The following LRRC37B variants were observed in gnomAD, a reference collection of about 807,000 sequenced individuals.
LRRC37B encodes the protein leucine-rich repeat-containing protein 37B.
Under a neutral mutation model 98.3 loss-of-function variants are expected in LRRC37B, and 28 were observed. That is an observed-to-expected ratio of 0.28 (90% CI 0.21 to 0.39). The LOEUF (loss-of-function observed/expected upper bound fraction) is 0.39. LRRC37B is among the 10% of genes least tolerant of loss of function. The pLI is 1.00. For synonymous variants in LRRC37B, 364 were observed against 442.7 expected, an observed-to-expected ratio of 0.82 and a Z score of 2.23; for missense variants, 938 against 1,182.7, an observed-to-expected ratio of 0.79 and a Z score of 3.03.
chr17:32,018,991 A>T (rs576974404), upstream of LRRC37B, among the ~76,000 whole-genome samples: 163 of 152,212 alleles, frequency 1.1e-3, no homozygotes, highest in African/African-American at 3.7e-3. Flanking sequence ...CGATGGCACG[A>T]TCTCAGCTCA....
At position 32,011,988 on chromosome 17, in the gene LRRC37B, G is replaced by C. The variant is rs1332286278; in HGVS notation, c.-191+3856G>C. Among the ~76,000 whole-genome samples the C allele has an allele frequency of 4.0e-5, 6 of 151,888 alleles. No homozygotes were observed. In the South Asian group the frequency reaches 1.2e-3, roughly 32 times the overall value. ...TATCTTTGTTGTTGGTTTCTAATTT[G>C]ATTCCATTATGGTTAGAGACCATAC... On this transcript the variant is annotated intron_variant, in intron 1 of 14. Transcript: ENST00000543378.
chr17:32,019,871 G>C (rs1432264846), upstream of LRRC37B, among the ~76,000 whole-genome samples: 1 of 152,032 alleles, frequency 6.6e-6, no homozygotes, highest in Non-Finnish European at 1.5e-5. Flanking sequence ...ATTTTTTTGA[G>C]ACGGAGTTTC....
intron 1 of LRRC37B, among the ~76,000 whole-genome samples, chr17:32,015,338 A>G (rs568084196): frequency 1.2e-4 from 19 of 152,230 alleles, no homozygotes; most frequent in Non-Finnish European, 2.5e-4. Flanking sequence ...AAAGATTTCA[A>G]TGCATCACAG....
chr17:32,018,593 G>A (rs569797931), upstream of LRRC37B, among the ~76,000 whole-genome samples: 4 of 152,178 alleles, frequency 2.6e-5, 1 homozygote, highest in East Asian at 1.9e-4. Flanking sequence ...AGTCTCCCCC[G>A]GCCCCAGGAG....
chr17:32,022,547 G>A lies in LRRC37B; in HGVS notation c.1482G>A (p.Leu494=), dbSNP rs139255719. 278 of 1,613,870 alleles carry A rather than the reference G, an allele frequency of 1.7e-4. No individual in the cohort carries two copies. The African/African-American group carries it at 3.4e-3, about 20-fold the overall frequency. ...CAGAGATTGGACATTCCACAGCCCT[G>A]GAGAAGACTAGAGCTCCTCATCCAG... The change falls in exon 1 of 12, where the codon CTG becomes CTA. Residue 494 remains leucine (L), a synonymous_variant. Transcript: ENST00000327564.
In LRRC37B at chr17:32,022,251, G is replaced by T. The variant is rs747740769; in HGVS notation, c.1186G>T (p.Ala396Ser). The change falls in exon 1 of 12, where the codon GCC (alanine) becomes TCC (serine). Residue 396 changes from alanine to serine, a missense_variant. By Grantham distance (99) the Ala-to-Ser change is moderately conservative. Around this residue, in one of 2 missense-constraint regions of LRRC37B, gnomAD observed 610 missense variants for 625.6 expected, o/e 0.98. Coordinates refer to ENST00000327564, the Ensembl canonical transcript of LRRC37B. ...AGAATCTACCCAAGCCCAGCAGGAG[G>T]CCCCAATTCAGCCTCCCGAGGAGGC... 2 of 1,613,898 alleles carry T rather than the reference G, an allele frequency of 1.2e-6. No homozygotes were observed. Among genetic ancestry groups the T allele is most frequent in the Non-Finnish European group, 1.7e-6 (2 of 1,179,858 alleles).
chr17:32,020,961 G>A (rs528596915), upstream of LRRC37B: 226 of 1,464,630 alleles, frequency 1.5e-4, 1 homozygote, highest in South Asian at 2.9e-3. Flanking sequence ...GTGGGAAGGG[G>A]CGCTTGGGCG....
chr17:32,020,063 T>C (rs921558149), upstream of LRRC37B, among the ~76,000 whole-genome samples: 6 of 152,168 alleles, frequency 3.9e-5, no homozygotes, highest in African/African-American at 1.4e-4. Context: ...CAGGCTGGTC[T>C]GGAACTTCTG....
chr17:32,021,923 A>G (rs1391475628), exon 1 of LRRC37B: 2 of 1,614,112 alleles, frequency 1.2e-6, no homozygotes, highest in Admixed American at 3.3e-5. Context: ...GACTTTCTCA[A>G]TTCCATCTAG....
chr17:32,007,885 G>A (rs1910446549), upstream of LRRC37B: 6 of 1,019,662 alleles, frequency 5.9e-6, no homozygotes, highest in Admixed American at 4.8e-5. The surrounding 1 kb of genome is among the most constrained non-coding windows in gnomAD (Gnocchi z 4.1). Flanking sequence ...GGGGGCGCGG[G>A]GGCAGCCACC....
At chr17:32,035,440 C>T in intron 6 of LRRC37B, 125 bp from the exon 10 acceptor site, 1 of 1,015,190 alleles carries the variant, frequency 9.9e-7, no homozygotes, top group Non-Finnish European at 1.5e-6. Flanking sequence ...GGCAAATAAA[C>T]TATTGAAGTG....
exon 1 of LRRC37B, chr17:32,022,602 A>C: frequency 4.3e-6 from 7 of 1,614,030 alleles, no homozygotes; most frequent in Non-Finnish European, 5.9e-6. Context: ...TCGAAGCCTG[A>C]CTGAAGTCAC....
exon 1 of LRRC37B, chr17:32,021,109 G>C (rs761494682): frequency 6.2e-7 from 1 of 1,614,136 alleles, no homozygotes; most frequent in Non-Finnish European, 8.5e-7. Context: ...AGGGCTGCCA[G>C]AATGGCTTTT....
chr17:32,018,724 A>G (rs994416930), upstream of LRRC37B, among the ~76,000 whole-genome samples: 2 of 152,178 alleles, frequency 1.3e-5, no homozygotes, highest in African/African-American at 4.8e-5. Flanking sequence ...TTCAAAAACT[A>G]TAATGCCTTT....
At chr17:32,041,932 G>A (rs765930344) in intron 7 of LRRC37B, 6 of 416,824 alleles carry the variant, frequency 1.4e-5, no homozygotes, top group African/African-American at 6.1e-5. Flanking sequence ...CGAGTTCCAC[G>A]GCCTTAACAG....
chr17:32,040,932 TA>T, intron 7 of LRRC37B: 1 of 962,230 alleles, frequency 1.0e-6, no homozygotes, highest in Non-Finnish European at 1.7e-6. Context: ...GGACTTTGAC[TA>T]AAAGAAGCGG....
At chr17:32,021,053 A>G in exon 1 of LRRC37B, 1 of 1,606,470 alleles carries the variant, frequency 6.2e-7, no homozygotes, top group Non-Finnish European at 8.5e-7. Flanking sequence ...TAAAGGTGTC[A>G]TAAAGACAGG....
intron 9 of LRRC37B, chr17:32,048,132 GAA>G (rs1262228333): frequency 2.1e-5 from 18 of 874,158 alleles, no homozygotes; most frequent in Non-Finnish European, 3.2e-5. Flanking sequence ...CCAAATATTT[GAA>G]AAAAAAATTA....
chr17:32,031,001 G>A (rs1911093150), intron 4 of LRRC37B, among the ~76,000 whole-genome samples: 1 of 152,088 alleles, frequency 6.6e-6, no homozygotes, highest in Non-Finnish European at 1.5e-5. Flanking sequence ...TGACAAAACT[G>A]TGGTTGTGCT....
Sources: gnomAD v4.1 joint callset for allele counts (sites outside exome capture counted in the v4.1 genomes callset) on GRCh38, gnomAD v4.1.1 for gene constraint, gnomAD v4.1.1 regional missense constraint, Gnocchi (gnomAD v3.1) non-coding constraint, MANE v1.5 for transcripts, NCBI Gene and HGNC (gene_info 2026-07-23, HGNC 2026-07-21) for gene names.